The following SBF2 variants were observed in gnomAD, a reference collection of about 807,000 sequenced individuals.
SBF2 encodes the protein SET binding factor 2, also known as myotubularin-related protein 13.
In SBF2, 112 loss-of-function variants were observed where a neutral mutation model predicts 225.2. The ratio of observed to expected loss-of-function variants is 0.50; its 90% confidence interval spans 0.43 to 0.58. The LOEUF (loss-of-function observed/expected upper bound fraction) is 0.58, where lower values mean the gene tolerates loss of function less well. Ranked by LOEUF, SBF2 falls within the 20% of genes least tolerant of loss-of-function variation. The probability of loss-of-function intolerance (pLI) is 0.00; values close to 1 mark genes in which losing one functional copy is unlikely to be tolerated. For synonymous variants in SBF2, 763 were observed against 773.3 expected (o/e 0.99, Z 0.22); for missense variants, 1,996 against 2,206.2 (o/e 0.90, Z 1.91).
chr11:10,262,458 C>G (rs1961539970), intron 1 of SBF2, among the ~76,000 whole-genome samples: 1 of 152,164 alleles, frequency 6.6e-6, no homozygotes, highest in South Asian at 2.1e-4. Flanking sequence ...CCTCAGCCTT[C>G]TGAACCTAGT....
chr11:10,293,356 TTCAGCGG>T (rs773484297), intron 1 of SBF2, among the ~76,000 whole-genome samples: 75 of 152,350 alleles, frequency 4.9e-4, no homozygotes, highest in Admixed American at 1.4e-3. Flanking sequence ...CAAGATCACC[TTCAGCGG>T]TCAGCTGGCT....
chr11:10,142,344 G>T (rs1954685415), intron 2 of SBF2, among the ~76,000 whole-genome samples: 2 of 152,140 alleles, frequency 1.3e-5, no homozygotes, highest in African/African-American at 2.4e-5. Flanking sequence ...AGGTCCTCCT[G>T]CAATGTGAAA....
At chr11:10,124,119 G>A (rs1433015249) in intron 2 of SBF2, among the ~76,000 whole-genome samples, 2 of 152,120 alleles carry the variant, frequency 1.3e-5, no homozygotes, top group Non-Finnish European at 2.9e-5. Flanking sequence ...AGCTTCTCAT[G>A]GTTTCTGGCA....
At chr11:9,967,678 GGC>G (rs1867015319) in intron 14 of SBF2, among the ~76,000 whole-genome samples, 2 of 152,142 alleles carry the variant, frequency 1.3e-5, no homozygotes, top group African/African-American at 2.4e-5. Context: ...CACTTTGGGA[GGC>G]CAAGGTGGGC....
intron 2 of SBF2, among the ~76,000 whole-genome samples, chr11:10,086,567 A>G (rs1951575400): frequency 6.6e-6 from 1 of 152,168 alleles, no homozygotes; most frequent in South Asian, 2.1e-4. Flanking sequence ...CAATCAGAGG[A>G]GAATTATTAG....
At chr11:10,266,310 G>C (rs1275737869) in intron 1 of SBF2, among the ~76,000 whole-genome samples, 1 of 152,132 alleles carries the variant, frequency 6.6e-6, no homozygotes, top group Non-Finnish European at 1.5e-5. Flanking sequence ...CAGAGGAGAG[G>C]ACACTATTTG....
In SBF2 at chr11:9,829,378, C is replaced by T. The variant is rs1398776105; in HGVS notation, c.3771G>A (p.Arg1257=). 1.9e-6 allele frequency: 3 copies of T among 1,614,074 alleles called. No homozygotes were observed. The South Asian group carries it at 3.3e-5, about 18-fold the overall frequency. ...KLRGNSTLTV[R]PAFALSPGVW... Reference sequence around the variant, plus strand: ...TACCTGGAGATAGAGCAAAGGCTGGCCTGACAGTAAGAGTGCTGTTGCCTC... The same window carrying T: ...TACCTGGAGATAGAGCAAAGGCTGGTCTGACAGTAAGAGTGCTGTTGCCTC... The change falls in exon 28 of 40, where the codon AGG becomes AGA. Residue 1257 remains arginine, a synonymous_variant. Transcript: ENST00000256190.
intron 2 of SBF2, among the ~76,000 whole-genome samples, chr11:10,185,066 C>T (rs951462120): frequency 1.3e-5 from 2 of 151,718 alleles, no homozygotes; most frequent in African/African-American, 4.8e-5. Context: ...CATGTTGTAA[C>T]ATGTGTCAGA....
At chr11:10,032,879 G>C (rs979045668) in intron 3 of SBF2, among the ~76,000 whole-genome samples, 1 of 152,128 alleles carries the variant, frequency 6.6e-6, no homozygotes, top group African/African-American at 2.4e-5. Flanking sequence ...TTTATCAAGG[G>C]AAGTCTTTTC....
intron 3 of SBF2, among the ~76,000 whole-genome samples, chr11:10,040,376 A>C (rs1949607524): frequency 6.6e-6 from 1 of 152,042 alleles, no homozygotes; most frequent in Non-Finnish European, 1.5e-5. Context: ...TGAAACTAAC[A>C]ATGAGAGATA....
chr11:10,294,744 A>G (rs550617881), upstream of SBF2, among the ~76,000 whole-genome samples: 20 of 152,274 alleles, frequency 1.3e-4, no homozygotes, highest in African/African-American at 4.6e-4. Flanking sequence ...TCGGGTTTCA[A>G]TGCCGGGTGG....
chr11:10,166,961 CCA>C (rs373552790), intron 2 of SBF2, among the ~76,000 whole-genome samples: 67 of 125,634 alleles, frequency 5.3e-4, no homozygotes, highest in South Asian at 7.0e-4. Context: ...GACTCTGTCT[CCA>C]CACACACACA....
At chr11:10,294,260 C>T (rs907026544), upstream of SBF2, 5 of 405,814 alleles carry the variant, frequency 1.2e-5, no homozygotes, top group East Asian at 8.0e-5. Flanking sequence ...CCCCCGCCCC[C>T]ACCCGCGCTG....
rs992940337 is a variant in SBF2 at position 10,008,160 on chromosome 11, C to G, written c.620-5471G>C. On this transcript the variant is annotated intron_variant, in intron 6 of 39. Transcript: ENST00000256190. ...CCAGGGAGGTATATGGGGAAGAAAC[C>G]GCATGTTCCTCTGGTAGAAGGGATA... Among the ~76,000 whole-genome samples the G allele has an allele frequency of 4.6e-5, 7 of 152,124 alleles. No homozygotes were observed. In the East Asian group the frequency reaches 1.3e-3, roughly 29 times the overall value.
At chr11:10,040,751 G>A (rs1306520113) in intron 3 of SBF2, among the ~76,000 whole-genome samples, 1 of 151,622 alleles carries the variant, frequency 6.6e-6, no homozygotes, top group East Asian at 1.9e-4. Flanking sequence ...TGGGGGAGAT[G>A]GGGAGAGGAG....
At chr11:9,958,086 T>G (rs1245642961) in intron 16 of SBF2, 1 of 152,056 alleles carries the variant, frequency 6.6e-6, no homozygotes, top group Non-Finnish European at 1.5e-5. Flanking sequence ...CCCTCTCAGG[T>G]CCCTCAAAGA....
intron 16 of SBF2, among the ~76,000 whole-genome samples, chr11:9,933,534 C>G (rs1864657274): frequency 6.6e-6 from 1 of 152,194 alleles, no homozygotes; most frequent in South Asian, 2.1e-4. Flanking sequence ...TACATGGAAA[C>G]TGAACAAAGT....
At chr11:9,786,328 G>GA (rs1852370431) in intron 36 of SBF2, among the ~76,000 whole-genome samples, 1 of 152,156 alleles carries the variant, frequency 6.6e-6, no homozygotes, top group Admixed American at 6.5e-5. Context: ...AATTATGGGT[G>GA]ATTCTCATCT....
chr11:9,783,960 G>A (rs1400810128), intron 38 of SBF2, among the ~76,000 whole-genome samples: 1 of 152,154 alleles, frequency 6.6e-6, no homozygotes, highest in East Asian at 1.9e-4. Context: ...TGTATTCTGG[G>A]GAGTGTTCAC....
Sources: allele counts gnomAD v4.1 joint callset (sites outside exome capture counted in the v4.1 genomes callset), GRCh38; gene constraint gnomAD v4.1.1; transcripts MANE v1.5; gene names NCBI Gene and HGNC (gene_info 2026-07-23, HGNC 2026-07-21).